The following KATNAL2 variants were observed in gnomAD, a reference collection of about 807,000 sequenced individuals.
KATNAL2 encodes katanin p60 ATPase-containing subunit A-like 2.
KATNAL2 carries 52 observed loss-of-function variants against 76.3 expected under a neutral mutation model. That is an observed-to-expected ratio of 0.68 (90% CI 0.55 to 0.86). The LOEUF is 0.86. KATNAL2 is among the 40% of genes least tolerant of loss of function. The probability of loss-of-function intolerance (pLI) is 0.00; values close to 1 mark genes in which losing one functional copy is unlikely to be tolerated. For synonymous variants in KATNAL2, 243 were observed against 244.2 expected (o/e 1.00, Z 0.05); for missense variants, 660 against 668.9 (o/e 0.99, Z 0.15).
chr18:46,933,739 A>G (rs1220416037), intron 1 of KATNAL2, among the ~76,000 whole-genome samples: 1 of 134,982 alleles, frequency 7.4e-6, no homozygotes, highest in Non-Finnish European at 1.6e-5. Context: ...TGCTGCACCC[A>G]TTAACTCGTC....
At chr18:47,088,983 T>C (rs1472817258) in intron 15 of KATNAL2, among the ~76,000 whole-genome samples, 1 of 152,234 alleles carries the variant, frequency 6.6e-6, no homozygotes, top group Non-Finnish European at 1.5e-5. Context: ...CCATTGCTAG[T>C]GGGGAGATTT....
At position 47,099,248 on chromosome 18, in the gene KATNAL2, T is replaced by C; in HGVS notation, c.1217T>C (p.Leu406Pro). 3 of 1,612,532 alleles carry C rather than the reference T, an allele frequency of 1.9e-6. No individual in the cohort carries two copies. Among genetic ancestry groups the C allele is most frequent in the Non-Finnish European group, 1.7e-6 (2 of 1,179,126 alleles). ...VLAASNLPWE[L>P]DCAMLRRLEK... ...CATTTCTGGTGTGATTTCAGGGAGC[T>C]GGACTGTGCCATGTTACGCCGCCTG... The change falls in exon 16 of 18, where the codon CTG (leucine) becomes CCG (proline). Residue 406 changes from leucine to proline, a missense_variant. Coordinates refer to ENST00000683218, the MANE Select transcript of KATNAL2 (RefSeq NM_001387690.1).
intron 15 of KATNAL2, among the ~76,000 whole-genome samples, chr18:47,086,318 T>C (rs941035739): frequency 1.3e-5 from 2 of 152,164 alleles, no homozygotes; most frequent in Admixed American, 1.3e-4. Flanking sequence ...TAGGCTTTTT[T>C]TTTATTTGGA....
chr18:46,919,347 G>C (rs568395964), intron 1 of KATNAL2, among the ~76,000 whole-genome samples: 1 of 152,256 alleles, frequency 6.6e-6, no homozygotes, highest in African/African-American at 2.4e-5. Context: ...TTAGCCAGGC[G>C]TGGTGGCGCA....
chr18:47,045,778 G>A (rs1454473869), intron 3 of KATNAL2, among the ~76,000 whole-genome samples: 1 of 152,232 alleles, frequency 6.6e-6, no homozygotes, highest in African/African-American at 2.4e-5. Context: ...AATAAGGGAA[G>A]TATTACTGAA....
intron 11 of KATNAL2, 60 bp from the exon 12 acceptor site, chr18:47,069,160 T>C (rs2061911679): frequency 8.4e-7 from 1 of 1,188,334 alleles, no homozygotes; most frequent in Non-Finnish European, 1.2e-6. Context: ...TTGTCTGTGC[T>C]GAGAGTATGC....
At chr18:47,052,423 G>T (rs2247021) in intron 4 of KATNAL2, among the ~76,000 whole-genome samples, 70,036 of 152,014 alleles carry the variant, frequency 0.46, 16,092 homozygotes, top group Admixed American at 0.54. Flanking sequence ...ACTTGTTAAT[G>T]TGAATTACTT....
At chr18:46,941,742 TA>T (rs2059252397) in intron 1 of KATNAL2, among the ~76,000 whole-genome samples, 1 of 152,350 alleles carries the variant, frequency 6.6e-6, no homozygotes, top group South Asian at 2.1e-4. Flanking sequence ...AATATTATCC[TA>T]AAAAGGCTCT....
chr18:46,942,136 A>G (rs1373992769), intron 1 of KATNAL2, among the ~76,000 whole-genome samples: 4 of 152,226 alleles, frequency 2.6e-5, no homozygotes, highest in Non-Finnish European at 5.9e-5. Flanking sequence ...AGTAGAAGGC[A>G]AATAATTGAA....
intron 15 of KATNAL2, among the ~76,000 whole-genome samples, chr18:47,093,789 C>A (rs1362873490): frequency 6.6e-6 from 1 of 152,222 alleles, no homozygotes; most frequent in African/African-American, 2.4e-5. Context: ...GAATTACAGG[C>A]ATAGGCCACC....
intron 15 of KATNAL2, among the ~76,000 whole-genome samples, chr18:47,085,170 C>G (rs1487538718): frequency 6.6e-6 from 1 of 152,200 alleles, no homozygotes; most frequent in East Asian, 1.9e-4. Flanking sequence ...GGGACCCTTC[C>G]TTGGCTCATG....
chr18:46,943,926 C>G (rs1043217036), intron 1 of KATNAL2, among the ~76,000 whole-genome samples: 3 of 152,236 alleles, frequency 2.0e-5, no homozygotes, highest in African/African-American at 7.2e-5. Flanking sequence ...ACACAGAGAT[C>G]TAGCATGATT....
Position 47,041,823 on chromosome 18 carries a change from G to A in KATNAL2, c.52-4634G>A, listed in dbSNP as rs992820487. ...CCTTTCAAAGTGTTTGTACTGTTTT[G>A]CATCCCACCAGCAATCAGTGAGTTT... On this transcript the variant is annotated intron_variant, in intron 3 of 17. Transcript: ENST00000683218. 9.9e-5 allele frequency among the ~76,000 whole-genome samples: 15 copies of A among 152,114 alleles called. No individual in the cohort carries two copies. The East Asian group carries it at 2.7e-3, about 27-fold the overall frequency.
intron 1 of KATNAL2, among the ~76,000 whole-genome samples, chr18:46,944,275 C>T (rs1054407923): frequency 6.6e-5 from 10 of 152,114 alleles, no homozygotes; most frequent in Non-Finnish European, 2.9e-5. Context: ...CTTCTGTACC[C>T]ATGGGTTTGG....
intron 4 of KATNAL2, among the ~76,000 whole-genome samples, chr18:47,050,395 C>T (rs993778178): frequency 7.2e-5 from 11 of 152,084 alleles, no homozygotes; most frequent in African/African-American, 1.2e-4. Flanking sequence ...TAATTAGAAA[C>T]GAAGACAATG....
At chr18:47,096,052 A>T (rs2063219458) in intron 15 of KATNAL2, among the ~76,000 whole-genome samples, 1 of 152,196 alleles carries the variant, frequency 6.6e-6, no homozygotes, top group Non-Finnish European at 1.5e-5. Context: ...GCAAAAAAGA[A>T]ATAGGTCATT....
At chr18:47,043,765 T>G (rs113021983) in intron 3 of KATNAL2, among the ~76,000 whole-genome samples, 1 of 152,014 alleles carries the variant, frequency 6.6e-6, no homozygotes, top group African/African-American at 2.4e-5. Context: ...GTTTTGATTA[T>G]TAACAATACG....
At chr18:47,041,461 G>T (rs907828774) in intron 3 of KATNAL2, among the ~76,000 whole-genome samples, 1 of 152,014 alleles carries the variant, frequency 6.6e-6, no homozygotes, top group African/African-American at 2.4e-5. Flanking sequence ...CAGTATATAG[G>T]CTTTTCAATT....
intron 3 of KATNAL2, among the ~76,000 whole-genome samples, chr18:46,952,452 T>A (rs1300085649): frequency 1.5e-5 from 2 of 131,496 alleles, no homozygotes; most frequent in Non-Finnish European, 3.1e-5. Flanking sequence ...CAGGCTGGAG[T>A]GCAATGGTGC....
Sources: gnomAD v4.1 joint callset for allele counts (sites outside exome capture counted in the v4.1 genomes callset) on GRCh38, gnomAD v4.1.1 for gene constraint, MANE v1.5 for transcripts, NCBI Gene and HGNC (gene_info 2026-07-23, HGNC 2026-07-21) for gene names.